Variants in CPEB3 observed in about 807,000 individuals in gnomAD.
CPEB3 encodes cytoplasmic polyadenylation element binding protein 3.
A neutral mutation model predicts 67.2 loss-of-function variants in CPEB3; 20 were observed. The observed-to-expected ratio is 0.30, with a 90% CI of 0.21 to 0.43. The LOEUF (loss-of-function observed/expected upper bound fraction) is 0.43, where lower values mean the gene tolerates loss of function less well. CPEB3 is among the 20% of genes least tolerant of loss of function. CPEB3 has a pLI of 1.00. For missense variants in CPEB3, 746 were observed against 968.6 expected, an observed-to-expected ratio of 0.77 and a Z score of 3.05; for synonymous variants, 376 against 393.1, an observed-to-expected ratio of 0.96 and a Z score of 0.51.
rs772631202 is a variant in CPEB3 at position 92,239,635 on chromosome 10, G to C, written c.716C>G (p.Ser239Trp). The C allele has an allele frequency of 6.4e-7, 1 of 1,559,018 alleles. No individual in the cohort carries two copies. The highest frequency in any genetic ancestry group is 8.7e-7 in the Non-Finnish European group (1 of 1,152,176). The change falls in exon 2 of 10, where the codon TCG (serine) becomes TGG (tryptophan). Residue 239 changes from serine (S) to tryptophan (W), a missense_variant. Ser to Trp is a radical substitution (Grantham distance 177, BLOSUM62 -3). Transcript: ENST00000265997. This position sits in a 1 kb window ranked among gnomAD's most constrained non-coding sequence, Gnocchi z 6.0. ...AAAAAAASSASSSWNTHQSVN... is the reference protein window; with the variant it reads ...AAAAAAASSAWSSWNTHQSVN... ...GCTTTGGTGCGTGTTCCAGCTGGAC[G>C]AGGCCGACGAGGCGGCGGCTGCGGC...
chr10:92,257,728 C>CTTTTT (rs11418720), intron 1 of CPEB3, among the ~76,000 whole-genome samples: 1 of 130,734 alleles, frequency 7.6e-6, no homozygotes, highest in Admixed American at 8.0e-5. Flanking sequence ...GACCTCAACT[C>CTTTTT]TTTTTTTTTT....
chr10:92,234,125 G>GA (rs1564892220), intron 2 of CPEB3, among the ~76,000 whole-genome samples: 2 of 142,298 alleles, frequency 1.4e-5, no homozygotes, highest in Non-Finnish European at 3.1e-5. Context: ...AAAAAAAAAA[G>GA]GAGAAGGATA....
chr10:92,101,500 A>G (rs1844187362), intron 7 of CPEB3, among the ~76,000 whole-genome samples: 1 of 152,200 alleles, frequency 6.6e-6, no homozygotes, highest in African/African-American at 2.4e-5. Context: ...ATACAGCTGC[A>G]ACAGCTCAGT....
chr10:92,078,499 G>A lies in CPEB3; in HGVS notation c.1869+2821C>T, dbSNP rs937910191. On this transcript the variant is annotated intron_variant, in intron 9 of 9. Coordinates refer to ENST00000265997, the MANE Select transcript of CPEB3 (RefSeq NM_014912.5). ...TTAAGTAACTTGCTTGGACTTGACA[G>A]TGACTGATTGAAGCAGCAAAGGTTT... Among the ~76,000 whole-genome samples the A allele has an allele frequency of 5.3e-5, 8 of 152,080 alleles. 1 individual carries two copies. The highest frequency in any genetic ancestry group is 1.9e-4 in the African/African-American group (8 of 41,400).
At chr10:92,280,483 G>A (rs1487969747) in intron 1 of CPEB3, among the ~76,000 whole-genome samples, 1 of 151,032 alleles carries the variant, frequency 6.6e-6, no homozygotes, top group East Asian at 1.9e-4. Context: ...TACTTTGGGA[G>A]GCTGAGGCAG....
At chr10:92,178,216 T>A (rs1316399690) in intron 4 of CPEB3, among the ~76,000 whole-genome samples, 4 of 151,478 alleles carry the variant, frequency 2.6e-5, no homozygotes, top group Non-Finnish European at 5.9e-5. Context: ...TGGAGTGCAG[T>A]GGCGTGATCT....
intron 6 of CPEB3, among the ~76,000 whole-genome samples, chr10:92,132,758 T>C (rs1198914943): frequency 2.6e-5 from 4 of 152,084 alleles, no homozygotes; most frequent in African/African-American, 4.8e-5. Flanking sequence ...ATTGACAACA[T>C]AGTTGGAAGT....
chr10:92,111,189 C>A lies in CPEB3; in HGVS notation c.1459G>T (p.Ala487Ser). The A allele has an allele frequency of 6.2e-7, 1 of 1,609,730 alleles. No individual in the cohort carries two copies. Among genetic ancestry groups the A allele is most frequent in the Non-Finnish European group, 8.5e-7 (1 of 1,176,082 alleles). The change falls in exon 7 of 10, where the codon GCC becomes TCC. Residue 487 changes from alanine to serine, a missense_variant. By Grantham distance (99) the Ala-to-Ser change is moderately conservative. Transcript: ENST00000265997. ...CTTTCCTCTTGGAACAGCAGAAAGG[C>A]ATAGCCTTGGGGAGAGCAAAAACAA... ...SKSYFPPKGY[A>S]FLLFQEESSV...
chr10:92,249,752 GCT>G (rs1401999968), intron 1 of CPEB3, among the ~76,000 whole-genome samples: 1 of 152,042 alleles, frequency 6.6e-6, no homozygotes, highest in African/African-American at 2.4e-5. Flanking sequence ...AGGAGCGGTG[GCT>G]CATGCCTGTA....
rs192986602 is a variant in CPEB3 at position 92,094,162 on chromosome 10, G to A, written c.1573-2218C>T. Among the ~76,000 whole-genome samples, 41 of 152,030 alleles carry A rather than the reference G, an allele frequency of 2.7e-4. 2 individuals carry two copies. The highest frequency in any genetic ancestry group is 9.6e-4 in the African/African-American group (40 of 41,514). On this transcript the variant is annotated intron_variant, in intron 7 of 9. Coordinates refer to ENST00000265997, the MANE Select transcript of CPEB3 (RefSeq NM_014912.5). ...GAGCCACTGTGCCCGGCCACTTTTC[G>A]CCTTTTATGACACTGTTGCCCTCAC...
intron 8 of CPEB3, among the ~76,000 whole-genome samples, chr10:92,083,149 T>C (rs944484974): frequency 7.9e-5 from 12 of 152,212 alleles, no homozygotes; most frequent in African/African-American, 2.9e-4. Flanking sequence ...AGATTGCCTA[T>C]TGGTGACTGT....
At chr10:92,087,407 A>G (rs1440907196) in intron 8 of CPEB3, among the ~76,000 whole-genome samples, 1 of 152,228 alleles carries the variant, frequency 6.6e-6, no homozygotes, top group Non-Finnish European at 1.5e-5. Context: ...ACGAGAAAAC[A>G]GTAGGTTGTG....
chr10:92,204,255 C>A (rs116209096), intron 2 of CPEB3: 6 of 151,996 alleles, frequency 3.9e-5, no homozygotes, highest in Non-Finnish European at 8.8e-5. Flanking sequence ...TCACCAGAAT[C>A]TGACAGGGGC....
chr10:92,258,629 T>A (rs1484138478), intron 1 of CPEB3, among the ~76,000 whole-genome samples: 1 of 4,436 alleles, frequency 2.3e-4, no homozygotes, highest in Non-Finnish European at 6.9e-4. Flanking sequence ...TTTTTGAATA[T>A]ATATATATAT....
At chr10:92,159,206 T>C (rs1335304801) in intron 4 of CPEB3, among the ~76,000 whole-genome samples, 1 of 152,072 alleles carries the variant, frequency 6.6e-6, no homozygotes, top group Non-Finnish European at 1.5e-5. Flanking sequence ...GAGGTTGCAG[T>C]GAGCTGAGAT....
intron 7 of CPEB3, among the ~76,000 whole-genome samples, chr10:92,095,598 A>T (rs866373362): frequency 0.011 from 903 of 85,220 alleles, 7 homozygotes; most frequent in African/African-American, 0.023. Context: ...ATATATATAT[A>T]TATTTTTTTT....
intron 4 of CPEB3, among the ~76,000 whole-genome samples, chr10:92,172,801 A>AT (rs958840459): frequency 2.6e-5 from 4 of 152,308 alleles, no homozygotes; most frequent in South Asian, 2.1e-4. Flanking sequence ...AGAAAAGTGG[A>AT]TTTTTTTCCA....
chr10:92,217,494 G>C (rs1005156477), intron 2 of CPEB3, among the ~76,000 whole-genome samples: 7 of 152,170 alleles, frequency 4.6e-5, no homozygotes, highest in Non-Finnish European at 7.4e-5. Context: ...GGGCGTGGTG[G>C]CTCATGCCTG....
rs1033883669 is a variant in CPEB3, at chr10:92,180,239, T to G, written c.1222+724A>C. Reference sequence around the variant, plus strand: ...TTAGAACTTGATCAAACAATTATACTGACAAAACTGTTTCAAACCTATAAA... The same window carrying G: ...TTAGAACTTGATCAAACAATTATACGGACAAAACTGTTTCAAACCTATAAA... On this transcript the variant is annotated intron_variant, in intron 4 of 9. Coordinates refer to ENST00000265997, the MANE Select transcript of CPEB3 (RefSeq NM_014912.5). 2.6e-5 allele frequency among the ~76,000 whole-genome samples: 4 copies of G among 152,306 alleles called. No homozygotes were observed. The South Asian group carries it at 8.3e-4, about 32-fold the overall frequency.
Sources: allele counts gnomAD v4.1 joint callset (sites outside exome capture counted in the v4.1 genomes callset), GRCh38; gene constraint gnomAD v4.1.1; non-coding constraint Gnocchi (gnomAD v3.1); transcripts MANE v1.5; gene names NCBI Gene and HGNC (gene_info 2026-07-23, HGNC 2026-07-21).